The following EED variants were observed in gnomAD, a reference collection of about 807,000 sequenced individuals.
EED encodes polycomb protein EED.
A neutral mutation model predicts 61.0 loss-of-function variants in EED; 9 were observed. The ratio of observed to expected loss-of-function variants is 0.15; its 90% CI spans 0.09 to 0.26. EED has a LOEUF of 0.26. Ranked by LOEUF, EED falls within the 10% of genes least tolerant of loss-of-function variation. The probability of loss-of-function intolerance (pLI) is 1.00; values close to 1 mark genes in which losing one functional copy is unlikely to be tolerated. For synonymous variants in EED, 187 were observed against 174.4 expected (o/e 1.07, Z -0.57); for missense variants, 315 against 542.3 (o/e 0.58, Z 4.16).
intron 8 of EED, among the ~76,000 whole-genome samples, chr11:86,267,156 G>A (rs560972076): frequency 2.6e-5 from 4 of 152,204 alleles, no homozygotes; most frequent in East Asian, 1.9e-4. Context: ...AGTTGTACTC[G>A]TTTTTTCTTT....
intron 6 of EED, among the ~76,000 whole-genome samples, chr11:86,258,935 C>T (rs984835810): frequency 2.6e-5 from 4 of 151,790 alleles, no homozygotes; most frequent in South Asian, 2.1e-4. Context: ...GGCTCTATCT[C>T]GGCTCACTGC....
chr11:86,270,783 C>G (rs906680389), intron 9 of EED, among the ~76,000 whole-genome samples: 1 of 152,120 alleles, frequency 6.6e-6, no homozygotes, highest in Non-Finnish European at 1.5e-5. Flanking sequence ...ACTATTCTTC[C>G]GCCATTGAAT....
the EED span, chr11:86,284,353 C>T: frequency 6.6e-6 from 1 of 152,216 alleles, no homozygotes; most frequent in Non-Finnish European, 1.5e-5. Flanking sequence ...AATCATTCAT[C>T]AAGAGTTTCA....
At chr11:86,258,709 C>A (rs1004071502) in intron 6 of EED, among the ~76,000 whole-genome samples, 1 of 151,490 alleles carries the variant, frequency 6.6e-6, no homozygotes, top group African/African-American at 2.4e-5. Flanking sequence ...GCATGTACCA[C>A]CATGCCCGGC....
At chr11:86,260,729 A>T (rs1043695751) in intron 6 of EED, among the ~76,000 whole-genome samples, 4 of 152,160 alleles carry the variant, frequency 2.6e-5, no homozygotes, top group African/African-American at 4.8e-5. Context: ...GTGGGATAAA[A>T]TTGCTTATGT....
At chr11:86,271,496 C>CT (rs1284658386) in intron 9 of EED, among the ~76,000 whole-genome samples, 4 of 151,976 alleles carry the variant, frequency 2.6e-5, no homozygotes, top group Non-Finnish European at 5.9e-5. Context: ...TATGCCTTTT[C>CT]TTTTTTTGCC....
At chr11:86,253,372 C>G (rs1044441917) in intron 3 of EED, among the ~76,000 whole-genome samples, 2 of 152,176 alleles carry the variant, frequency 1.3e-5, no homozygotes, top group Non-Finnish European at 2.9e-5. Context: ...TAAGACACCA[C>G]TGTAAACCTA....
chr11:86,285,690 C>G, the EED span, among the ~76,000 whole-genome samples: 1 of 152,116 alleles, frequency 6.6e-6, no homozygotes, highest in Non-Finnish European at 1.5e-5. Context: ...TTCCGCCTCC[C>G]AGTTTCAAGA....
At chr11:86,279,768 A>G (rs2138244379), downstream of EED, among the ~76,000 whole-genome samples, 1 of 152,350 alleles carries the variant, frequency 6.6e-6, no homozygotes, top group Non-Finnish European at 1.5e-5. Flanking sequence ...TTCTCTGATA[A>G]TAGTATAATG....
At chr11:86,277,643 A>C (rs1946262203) in intron 10 of EED, 1 of 237,708 alleles carries the variant, frequency 4.2e-6, no homozygotes, top group Non-Finnish European at 8.0e-6. Flanking sequence ...TCTTGAAGGC[A>C]GAAGAAAAAG....
At position 86,266,156 on chromosome 11, in the gene EED, CAA is replaced by C. The variant is rs1327153023; in HGVS notation, c.802_803del (p.Lys268GlufsTer7). 6.2e-7 allele frequency: 1 copy of C among 1,602,598 alleles called. No individual in the cohort carries two copies. The highest frequency in any genetic ancestry group is 8.5e-7 in the Non-Finnish European group (1 of 1,172,098). On this transcript the variant is annotated frameshift_variant, in exon 8 of 12. Coordinates refer to ENST00000263360, the MANE Select transcript of EED (RefSeq NM_003797.5). LOFTEE classifies it high-confidence loss of function. ...TCTCTTAAACTTTGGAGGATCAATT[CAA>C]AGAGAATGATGAATGCAATTAAGGA...
downstream of EED, among the ~76,000 whole-genome samples, chr11:86,281,730 C>T (rs935740830): frequency 6.6e-6 from 1 of 152,192 alleles, no homozygotes; most frequent in Non-Finnish European, 1.5e-5. Context: ...ATAGCTGTCA[C>T]TGCACCCTCG....
chr11:86,270,406 A>G (rs1946087749), intron 9 of EED, among the ~76,000 whole-genome samples: 2 of 150,870 alleles, frequency 1.3e-5, no homozygotes, highest in Admixed American at 6.6e-5. Flanking sequence ...ATATATTCTA[A>G]ATATGAATCC....
intron 1 of EED, among the ~76,000 whole-genome samples, chr11:86,247,340 C>A (rs1168337654): frequency 6.6e-6 from 1 of 152,112 alleles, no homozygotes; most frequent in East Asian, 1.9e-4. Context: ...TATGAGGTTA[C>A]AAACAAATTC....
At chr11:86,256,554 T>C in intron 5 of EED, 42 bp downstream of exon 5, 1 of 1,502,566 alleles carries the variant, frequency 6.7e-7, no homozygotes, top group Non-Finnish European at 9.0e-7. Context: ...TTCTTTTGAA[T>C]CCACAACTGT....
At chr11:86,259,913 ATG>A (rs1457384544) in intron 6 of EED, among the ~76,000 whole-genome samples, 1 of 152,210 alleles carries the variant, frequency 6.6e-6, no homozygotes, top group African/African-American at 2.4e-5. Flanking sequence ...GGAATGTAAA[ATG>A]TAACTACTTT....
At chr11:86,256,123 T>TA (rs1945666015) in intron 4 of EED, among the ~76,000 whole-genome samples, 1 of 152,194 alleles carries the variant, frequency 6.6e-6, no homozygotes, top group Non-Finnish European at 1.5e-5. Flanking sequence ...TTTTCTGCAG[T>TA]TATTTTGGTA....
chr11:86,255,832 G>T (rs182869075), intron 4 of EED, among the ~76,000 whole-genome samples: 2 of 152,064 alleles, frequency 1.3e-5, no homozygotes. Context: ...GAGTTAGAGC[G>T]GTAAAAGCTA....
At chr11:86,274,494 G>T (rs570273602) in intron 9 of EED, among the ~76,000 whole-genome samples, 1 of 152,284 alleles carries the variant, frequency 6.6e-6, no homozygotes, top group South Asian at 2.1e-4. Flanking sequence ...CTTACAGCAG[G>T]CTTTCTCTGA....
Sources: gnomAD v4.1 joint callset for allele counts (sites outside exome capture counted in the v4.1 genomes callset) on GRCh38, gnomAD v4.1.1 for gene constraint, MANE v1.5 for transcripts, NCBI Gene and HGNC (gene_info 2026-07-23, HGNC 2026-07-21) for gene names.